Variants in WDFY4 observed in about 807,000 individuals in gnomAD.
WDFY4 encodes the protein WDFY family member 4.
Under a neutral mutation model 351.9 loss-of-function variants are expected in WDFY4, and 169 were observed. The ratio of observed to expected loss-of-function variants is 0.48; its 90% CI spans 0.42 to 0.55. WDFY4 has a LOEUF of 0.55. Among genes scored for constraint, WDFY4 ranks in the 20% least tolerant of loss-of-function variants. The probability of loss-of-function intolerance (pLI) is 0.00; values close to 1 mark genes in which losing one functional copy is unlikely to be tolerated. For missense variants in WDFY4, 3,803 were observed against 3,935.6 expected, an observed-to-expected ratio of 0.97 and a Z score of 0.90; for synonymous variants, 1,622 against 1,574.6, an observed-to-expected ratio of 1.03 and a Z score of -0.71.
intron 47 of WDFY4, among the ~76,000 whole-genome samples, chr10:48,918,439 G>C (rs1276174390): frequency 6.6e-6 from 1 of 152,150 alleles, no homozygotes; most frequent in Non-Finnish European, 1.5e-5. Flanking sequence ...ATTAATGTCA[G>C]ATAAAGCATA....
chr10:48,702,735 C>T (rs2063515225), intron 1 of WDFY4, among the ~76,000 whole-genome samples: 1 of 152,142 alleles, frequency 6.6e-6, no homozygotes, highest in Non-Finnish European at 1.5e-5. Flanking sequence ...CATAAGTTTT[C>T]ATTTCTCTAG....
intron 1 of WDFY4, among the ~76,000 whole-genome samples, chr10:48,695,640 A>G (rs556396888): frequency 1.3e-5 from 2 of 152,258 alleles, no homozygotes; most frequent in African/African-American, 4.8e-5. Flanking sequence ...ACCTAAGGGA[A>G]CACTTTCTTA....
In WDFY4 at chr10:48,800,766, T is replaced by C. The variant is rs1160842203; in HGVS notation, c.4411-2520T>C. Among the ~76,000 whole-genome samples, 2 of 144,044 alleles carry C rather than the reference T, an allele frequency of 1.4e-5. 1 individual carries two copies. Among genetic ancestry groups the C allele is most frequent in the Non-Finnish European group, 3.0e-5 (2 of 66,706 alleles). The allele number at this position is 144,044 out of a possible 152,430, so 94.5% of individuals were successfully genotyped here. On this transcript the variant is annotated intron_variant, in intron 24 of 61. Coordinates refer to ENST00000325239, the MANE Select transcript of WDFY4 (RefSeq NM_001394531.1). ...TTTTTGTTTTGAGATGAGGTCTCAC[T>C]CTGTTGCCCAGGCTGGAGGGCAGTG...
chr10:48,866,001 T>C (rs1354043381), intron 39 of WDFY4, among the ~76,000 whole-genome samples: 3 of 152,160 alleles, frequency 2.0e-5, no homozygotes. Context: ...AGCTAAAGAC[T>C]GCCAATTTTA....
At chr10:48,732,973 G>T (rs1463289155) in intron 9 of WDFY4, among the ~76,000 whole-genome samples, 1 of 152,218 alleles carries the variant, frequency 6.6e-6, no homozygotes, top group South Asian at 2.1e-4. Context: ...TTTATGAGTT[G>T]CTTTCTACTG....
rs1196725501 is a variant in WDFY4, at chr10:48,957,364, T to A, written c.8131+82T>A. 7.4e-6 allele frequency: 11 copies of A among 1,496,500 alleles called. No individual in the cohort carries two copies. The African/African-American group carries it at 1.5e-4, about 21-fold the overall frequency. 92.7% of individuals were successfully genotyped at this position (1,496,500 alleles called of 1,614,324 possible). A position where few individuals can be genotyped will look rare whatever the true frequency, so the allele number is the denominator to read the frequency against. On this transcript the variant is annotated intron_variant, in intron 52 of 61. Transcript: ENST00000325239. ...AGCCCCTGGGTGATGACCAACATCA[T>A]CTGGACCTTTGCTAGGCCCTCCCCA...
chr10:48,802,129 A>G (rs957389410), intron 24 of WDFY4, among the ~76,000 whole-genome samples: 5 of 151,996 alleles, frequency 3.3e-5, no homozygotes, highest in Admixed American at 1.3e-4. Flanking sequence ...AATCCTAGCA[A>G]TTTTGGAGGT....
intron 39 of WDFY4, among the ~76,000 whole-genome samples, chr10:48,860,823 G>T (rs2069313025): frequency 6.6e-6 from 1 of 152,032 alleles, no homozygotes; most frequent in Admixed American, 6.5e-5. Flanking sequence ...AGAGTTTGAG[G>T]ATTTCTTGTT....
intron 25 of WDFY4, among the ~76,000 whole-genome samples, chr10:48,804,128 G>C (rs2067173377): frequency 6.6e-6 from 1 of 152,240 alleles, no homozygotes; most frequent in Non-Finnish European, 1.5e-5. Context: ...TTCCCAAAGG[G>C]AGCCAGGGGC....
intron 52 of WDFY4, among the ~76,000 whole-genome samples, chr10:48,959,503 G>A (rs1841760790): frequency 6.6e-6 from 1 of 152,236 alleles, no homozygotes; most frequent in Non-Finnish European, 1.5e-5. Flanking sequence ...GCACTGCCTG[G>A]GAAGCAAGGA....
rs897774137 is a variant in WDFY4, at chr10:48,920,263, C to T, written c.7586+18400C>T. Among the ~76,000 whole-genome samples the T allele has an allele frequency of 4.0e-5, 6 of 150,830 alleles. 1 individual carries two copies. The highest frequency in any genetic ancestry group is 9.8e-5 in the African/African-American group (4 of 40,960). ...AAGGACGTCCACAAAAAAGCTAGAGCGGACAAAAAACCAAATACCACATGT... is the reference window on the plus strand; with the variant it reads ...AAGGACGTCCACAAAAAAGCTAGAGTGGACAAAAAACCAAATACCACATGT... On this transcript the variant is annotated intron_variant, in intron 47 of 61. Coordinates refer to ENST00000325239, the MANE Select transcript of WDFY4 (RefSeq NM_001394531.1).
chr10:48,947,469 G>A lies in WDFY4; in HGVS notation c.7977+500G>A, dbSNP rs145575218. On this transcript the variant is annotated intron_variant, in intron 51 of 61. Coordinates refer to ENST00000325239, the MANE Select transcript of WDFY4 (RefSeq NM_001394531.1). The stretch of plus-strand genomic sequence containing the variant: ...CAGACCATTATACCAGCTTACGGTC[G>A]CCAGGTTTAAAATAAAAATACATGA... 3.7e-3 allele frequency among the ~76,000 whole-genome samples: 562 copies of A among 152,254 alleles called. 4 individuals carry two copies. The highest frequency in any genetic ancestry group is 0.034 in the Middle Eastern group (10 of 294).
At chr10:48,701,264 C>T (rs1430124826) in intron 1 of WDFY4, among the ~76,000 whole-genome samples, 1 of 152,176 alleles carries the variant, frequency 6.6e-6, no homozygotes, top group Non-Finnish European at 1.5e-5. Flanking sequence ...GAATTGTCTT[C>T]CTTTTAAAGG....
chr10:48,942,424 A>T (rs868829326), intron 48 of WDFY4, among the ~76,000 whole-genome samples: 1 of 152,176 alleles, frequency 6.6e-6, no homozygotes, highest in Non-Finnish European at 1.5e-5. Context: ...GTACCTGTAC[A>T]CTATGGATGC....
intron 57 of WDFY4, 52 bp from the exon 58 acceptor site, chr10:48,974,808 CAA>C (rs1464039295): frequency 6.8e-7 from 1 of 1,462,696 alleles, no homozygotes; most frequent in African/African-American, 1.4e-5. Context: ...GAAGAATTCC[CAA>C]AAGTAGCTGA....
intron 51 of WDFY4, among the ~76,000 whole-genome samples, chr10:48,953,803 A>G (rs927947305): frequency 2.0e-5 from 3 of 152,214 alleles, no homozygotes; most frequent in African/African-American, 4.8e-5. Flanking sequence ...CAGTTACTGA[A>G]TTTCCTGTGA....
Position 48,981,474 on chromosome 10 carries a change from T to C in WDFY4, c.9484T>C (p.Ser3162Pro), listed in dbSNP as rs370192192. 3.9e-5 allele frequency: 61 copies of C among 1,551,554 alleles called. No homozygotes were observed. Among genetic ancestry groups the C allele is most frequent in the Non-Finnish European group, 4.5e-5 (52 of 1,146,902 alleles). ...TSPAVTALAV[S>P]RNHTKLLVGD... ...CCCCGCAGTGACTGCTCTGGCCGTG[T>C]CCAGGTAAGCGCGGCCTTGTTTCTC... The change falls in exon 61 of 62, where the codon TCC becomes CCC. Residue 3162 changes from serine to proline, a missense_variant. Coordinates refer to ENST00000325239, the MANE Select transcript of WDFY4 (RefSeq NM_001394531.1).
chr10:48,707,934 C>A (rs1034929229), intron 1 of WDFY4, among the ~76,000 whole-genome samples: 2 of 151,948 alleles, frequency 1.3e-5, no homozygotes, highest in Non-Finnish European at 2.9e-5. Context: ...TAGAGTTAGC[C>A]CCCCAAAAGA....
intron 9 of WDFY4, among the ~76,000 whole-genome samples, chr10:48,731,790 T>C (rs867976002): frequency 4.6e-5 from 7 of 152,326 alleles, no homozygotes; most frequent in Non-Finnish European, 7.4e-5. Flanking sequence ...GCCTTGTGAA[T>C]TCCCAGGTTT....
Sources: gnomAD v4.1 joint callset for allele counts (sites outside exome capture counted in the v4.1 genomes callset) on GRCh38, gnomAD v4.1.1 for gene constraint, MANE v1.5 for transcripts, NCBI Gene and HGNC (gene_info 2026-07-23, HGNC 2026-07-21) for gene names.